Variants in C12orf42 observed in about 807,000 individuals in gnomAD.
C12orf42 encodes chromosome 12 open reading frame 42, also known as uncharacterized protein C12orf42.
C12orf42 carries 25 observed loss-of-function variants against 21.6 expected under a neutral mutation model. That is an observed-to-expected ratio of 1.16 (90% CI 0.84 to 1.62). C12orf42 has a LOEUF of 1.62. Ranked by LOEUF, C12orf42 falls within the 40% of genes most tolerant of loss-of-function variation. C12orf42 has a pLI of 0.00. For synonymous variants in C12orf42, 174 were observed against 175.0 expected (o/e 0.99, Z 0.05); for missense variants, 483 against 459.3 (o/e 1.05, Z -0.47).
intron 3 of C12orf42, among the ~76,000 whole-genome samples, chr12:103,379,260 C>A (rs181070930): frequency 7.2e-5 from 11 of 152,280 alleles, no homozygotes; most frequent in African/African-American, 2.2e-4. Flanking sequence ...TTTCTCTTTA[C>A]AAGAGCATAA....
chr12:103,394,269 T>A (rs942792311), intron 3 of C12orf42, among the ~76,000 whole-genome samples: 1 of 152,202 alleles, frequency 6.6e-6, no homozygotes, highest in Non-Finnish European at 1.5e-5. Context: ...TTTCTCAAAT[T>A]ACTCTCTTAT....
rs150030298 is a variant in C12orf42 at position 103,275,585 on chromosome 12, G to A, written n.398+1565C>T. Among the ~76,000 whole-genome samples, 1,196 of 152,202 alleles carry A rather than the reference G, an allele frequency of 7.9e-3. 9 individuals carry two copies. Among genetic ancestry groups the A allele is most frequent in the African/African-American group, 0.027 (1,131 of 41,526 alleles). ...AGAAAAGCAGCCCAATTCCTTTTAT[G>A]AGGCTATAATTTTGTAACAAAAATT... On this transcript the variant is annotated intron_variant and non_coding_transcript_variant, in intron 5 of 6. Coordinates refer to the C12orf42 transcript ENST00000546526.
chr12:103,085,231 C>T, the C12orf42 span, among the ~76,000 whole-genome samples: 9 of 152,284 alleles, frequency 5.9e-5, no homozygotes, highest in African/African-American at 1.7e-4. Flanking sequence ...TTAGAACCCA[C>T]GAGTTCCTAC....
chr12:103,444,134 G>C (rs1321770011), intron 2 of C12orf42, among the ~76,000 whole-genome samples: 2 of 151,832 alleles, frequency 1.3e-5, no homozygotes, highest in East Asian at 3.9e-4. Flanking sequence ...AATAATTTAT[G>C]TTATCTTTAC....
At chr12:103,344,051 G>A (rs1355934184) in intron 4 of C12orf42, among the ~76,000 whole-genome samples, 1 of 152,148 alleles carries the variant, frequency 6.6e-6, no homozygotes, top group East Asian at 1.9e-4. Flanking sequence ...AGAAGCAGTA[G>A]CCAACACAGG....
chr12:103,141,221 A>C, the C12orf42 span, among the ~76,000 whole-genome samples: 7 of 152,178 alleles, frequency 4.6e-5, no homozygotes, highest in African/African-American at 9.7e-5. Context: ...ATAAAACTGG[A>C]GGTAACAAAG....
chr12:103,222,107 CCAT>C, the C12orf42 span, among the ~76,000 whole-genome samples: 3 of 152,102 alleles, frequency 2.0e-5, no homozygotes, highest in Non-Finnish European at 4.4e-5. Flanking sequence ...TCAGCAGCCA[CCAT>C]GTTTTTCATG....
the C12orf42 span, among the ~76,000 whole-genome samples, chr12:103,216,513 G>A: frequency 6.6e-6 from 1 of 151,806 alleles, no homozygotes; most frequent in African/African-American, 2.4e-5. Context: ...TGGGACTACA[G>A]TAGGCTCCTG....
the C12orf42 span, among the ~76,000 whole-genome samples, chr12:103,136,435 T>C: frequency 3.9e-5 from 6 of 152,188 alleles, no homozygotes; most frequent in Non-Finnish European, 8.8e-5. Flanking sequence ...ATATCTTCCA[T>C]ATTAATTGAA....
rs189586147 is a variant in C12orf42 at position 103,411,854 on chromosome 12, T to C, written c.79-10179A>G. On this transcript the variant is annotated intron_variant, in intron 2 of 5. Coordinates refer to ENST00000548883, the MANE Select transcript of C12orf42 (RefSeq NM_198521.5). The stretch of plus-strand genomic sequence containing the variant: ...TTATGTATACATGTGTGCACATGCA[T>C]GCACACAAACACACACACACATACA... 2.0e-5 allele frequency among the ~76,000 whole-genome samples: 3 copies of C among 152,256 alleles called. No individual in the cohort carries two copies. In the East Asian group the frequency reaches 5.8e-4, roughly 29 times the overall value.
In C12orf42 at chr12:103,256,085, A is replaced by AATATAT. The variant is rs1565998064; in HGVS notation, c.*1366+7235_*1366+7240dup. On this transcript the variant is annotated intron_variant and NMD_transcript_variant, in intron 10 of 10. Transcript: ENST00000547347. ...AAAAAAAAAAAAAAAAAAAAAAAAAAATATATATATATATATATATATATA... is the reference window on the plus strand; with the variant it reads ...AAAAAAAAAAAAAAAAAAAAAAAAAAATATATATATATATATATATATATATATATA... Among the ~76,000 whole-genome samples, 83 of 58,900 alleles carry AATATAT rather than the reference A, an allele frequency of 1.4e-3. 1 individual carries two copies. Among genetic ancestry groups the AATATAT allele is most frequent in the African/African-American group, 2.8e-3 (31 of 11,238 alleles). 38.6% of individuals were successfully genotyped at this position (58,900 alleles called of 152,430 possible).
upstream of C12orf42, among the ~76,000 whole-genome samples, chr12:103,497,824 G>A (rs182391744): frequency 9.8e-4 from 149 of 152,290 alleles, 1 homozygote; most frequent in African/African-American, 3.3e-3. Context: ...TAGGTCTGGA[G>A]ATCGATACCA....
At chr12:103,507,693 G>A in the C12orf42 span, among the ~76,000 whole-genome samples, 3 of 151,058 alleles carry the variant, frequency 2.0e-5, no homozygotes, top group African/African-American at 7.3e-5. Context: ...AACTGGTGGG[G>A]TGGGGGCGGG....
At chr12:103,070,542 A>C in the C12orf42 span, among the ~76,000 whole-genome samples, 13 of 98,632 alleles carry the variant, frequency 1.3e-4, no homozygotes, top group Non-Finnish European at 1.4e-4. Context: ...ACACACACAC[A>C]CCCGACACAG....
intron 3 of C12orf42, among the ~76,000 whole-genome samples, chr12:103,395,440 A>G (rs1322646564): frequency 6.7e-6 from 1 of 149,814 alleles, no homozygotes; most frequent in Non-Finnish European, 1.5e-5. Context: ...GGTTCACGCC[A>G]TTCTCCCGCC....
the C12orf42 span, among the ~76,000 whole-genome samples, chr12:103,074,697 T>A: frequency 1.3e-5 from 2 of 152,316 alleles, no homozygotes; most frequent in African/African-American, 4.8e-5. Flanking sequence ...ACCTATAAAG[T>A]TAGAATGCAT....
At chr12:103,454,551 C>A (rs1952161467) in intron 2 of C12orf42, among the ~76,000 whole-genome samples, 1 of 152,092 alleles carries the variant, frequency 6.6e-6, no homozygotes, top group Non-Finnish European at 1.5e-5. Flanking sequence ...ACCTTATCTA[C>A]TTTTTCCTCA....
the C12orf42 span, among the ~76,000 whole-genome samples, chr12:103,200,284 C>T: frequency 0.28 from 42,097 of 151,956 alleles, 6,944 homozygotes; most frequent in Non-Finnish European, 0.37. Flanking sequence ...ATTAGTCAAA[C>T]GCTTAGAAGT....
At chr12:103,208,488 G>A in the C12orf42 span, among the ~76,000 whole-genome samples, 5 of 152,194 alleles carry the variant, frequency 3.3e-5, no homozygotes, top group East Asian at 1.9e-4. Context: ...TTTTCAGATC[G>A]ACAATAAATT....
Sources: gnomAD v4.1 joint callset for allele counts (sites outside exome capture counted in the v4.1 genomes callset) on GRCh38, gnomAD v4.1.1 for gene constraint, MANE v1.5 for transcripts, NCBI Gene and HGNC (gene_info 2026-07-23, HGNC 2026-07-21) for gene names.